Variants in CPLX4 observed in about 807,000 individuals in gnomAD.
CPLX4 encodes the protein complexin 4.
CPLX4 carries 17 observed loss-of-function variants against 16.1 expected under a neutral mutation model. That is an observed-to-expected ratio of 1.06 (90% CI 0.72 to 1.59). The LOEUF is 1.59. Among genes scored for constraint, CPLX4 ranks in the 40% most tolerant of loss-of-function variants. The probability of loss-of-function intolerance (pLI) is 0.00; values close to 1 mark genes in which losing one functional copy is unlikely to be tolerated. For missense variants in CPLX4, 193 were observed against 192.9 expected, an observed-to-expected ratio of 1.00 and a Z score of 0.00; for synonymous variants, 55 against 57.8, an observed-to-expected ratio of 0.95 and a Z score of 0.22.
chr18:59,297,788 T>G (rs1347894618), intron 2 of CPLX4, among the ~76,000 whole-genome samples: 1 of 152,200 alleles, frequency 6.6e-6, no homozygotes, highest in Non-Finnish European at 1.5e-5. Flanking sequence ...AATTCACTCA[T>G]CACACCTTAG....
rs79157922 is a variant in CPLX4, at chr18:59,305,411, G to A, written c.255+7274C>T. 7.6e-3 allele frequency among the ~76,000 whole-genome samples: 1,153 copies of A among 152,224 alleles called. 13 individuals are homozygous for A. Among genetic ancestry groups the A allele is most frequent in the African/African-American group, 0.026 (1,073 of 41,512 alleles). Reference sequence around the variant, plus strand: ...ACAGGAAAGAAACAGGATCAGATTTGCATTTTAGAAACCTCAGTATGGAGG... The same window carrying A: ...ACAGGAAAGAAACAGGATCAGATTTACATTTTAGAAACCTCAGTATGGAGG... On this transcript the variant is annotated intron_variant, in intron 2 of 2. Transcript: ENST00000299721.
intron 2 of CPLX4, among the ~76,000 whole-genome samples, chr18:59,303,997 C>G (rs2070558862): frequency 1.3e-5 from 2 of 152,234 alleles, no homozygotes; most frequent in Admixed American, 1.3e-4. Context: ...AGCTCCTAAT[C>G]TGAAGGGGTC....
intron 2 of CPLX4, among the ~76,000 whole-genome samples, chr18:59,299,472 G>A (rs1249917587): frequency 6.6e-6 from 1 of 152,184 alleles, no homozygotes; most frequent in Non-Finnish European, 1.5e-5. Context: ...AGAGGGGCTA[G>A]AGGAAAGCGT....
chr18:59,307,048 G>A (rs576014433), intron 2 of CPLX4, among the ~76,000 whole-genome samples: 4 of 152,274 alleles, frequency 2.6e-5, no homozygotes, highest in Admixed American at 2.0e-4. Context: ...TCTGTCTTGT[G>A]CCGTTTTCTT....
At chr18:59,317,057 A>G (rs761829794) in intron 1 of CPLX4, among the ~76,000 whole-genome samples, 1 of 152,148 alleles carries the variant, frequency 6.6e-6, no homozygotes, top group Non-Finnish European at 1.5e-5. Flanking sequence ...GTTTTTTAAA[A>G]ACCAACTTTA....
At chr18:59,308,025 G>T (rs2070589382) in intron 2 of CPLX4, among the ~76,000 whole-genome samples, 1 of 151,588 alleles carries the variant, frequency 6.6e-6, no homozygotes, top group Non-Finnish European at 1.5e-5. Context: ...TGATCCGCCC[G>T]CCTCGGCCTC....
At chr18:59,317,088 T>C (rs1025425941) in intron 1 of CPLX4, among the ~76,000 whole-genome samples, 3 of 152,154 alleles carry the variant, frequency 2.0e-5, no homozygotes, top group Admixed American at 2.0e-4. Flanking sequence ...GAACCAAGCA[T>C]AATGTATTCT....
chr18:59,312,493 T>C (rs531301744), intron 2 of CPLX4, among the ~76,000 whole-genome samples, 192 bp downstream of exon 2: 1 of 147,798 alleles, frequency 6.8e-6, no homozygotes, highest in Non-Finnish European at 1.5e-5. Flanking sequence ...TGTGTATATA[T>C]ATATCCTGAA....
At chr18:59,302,503 C>T (rs1199678674) in intron 2 of CPLX4, among the ~76,000 whole-genome samples, 1 of 152,148 alleles carries the variant, frequency 6.6e-6, no homozygotes, top group Non-Finnish European at 1.5e-5. Context: ...TTTCAGAGAT[C>T]GTCTCATTTC....
At chr18:59,309,822 CAAAAAAAAAAAAAA>C (rs369580193) in intron 2 of CPLX4, among the ~76,000 whole-genome samples, 1 of 87,028 alleles carries the variant, frequency 1.1e-5, no homozygotes, top group Non-Finnish European at 2.3e-5. Flanking sequence ...GACTCTGTGT[CAAAAAAAAAAAAAA>C]AAAAAAGAAA....
rs2070494263 is a variant in CPLX4, at chr18:59,295,640, T to C, written c.*1058A>G. The C allele has an allele frequency of 6.6e-6, 1 of 151,558 alleles. No individual in the cohort carries two copies. 9.4% of individuals were successfully genotyped at this position (151,558 alleles called of 1,614,324 possible). A position where few individuals can be genotyped will look rare whatever the true frequency, so the allele number is the denominator to read the frequency against. On this transcript the variant is annotated 3_prime_UTR_variant, in exon 3 of 3. Transcript: ENST00000299721. ...AGCTAAATAGCTCGAAGTGTTTCAG[T>C]GGTAATTGTCCTAAGTCTTTTGAAT...
At chr18:59,312,438 GTATA>G (rs140555708) in intron 2 of CPLX4, among the ~76,000 whole-genome samples, 5 of 143,548 alleles carry the variant, frequency 3.5e-5, no homozygotes, top group African/African-American at 7.7e-5. Context: ...ATGTGTGTGT[GTATA>G]TATATATATA....
intron 1 of CPLX4, among the ~76,000 whole-genome samples, chr18:59,315,728 G>C (rs1027519955): frequency 6.6e-6 from 1 of 152,058 alleles, no homozygotes; most frequent in African/African-American, 2.4e-5. Flanking sequence ...TGTTAAGTAG[G>C]GGTCAAAGTT....
chr18:59,304,640 C>T (rs376809467), intron 2 of CPLX4, among the ~76,000 whole-genome samples: 2 of 152,126 alleles, frequency 1.3e-5, no homozygotes, highest in African/African-American at 4.8e-5. Context: ...GGCACAATCT[C>T]GGCTCACTGC....
At chr18:59,312,906 T>C in intron 1 of CPLX4, 134 bp from the exon 2 acceptor site, 1 of 508,080 alleles carries the variant, frequency 2.0e-6, no homozygotes, top group Non-Finnish European at 3.5e-6. Flanking sequence ...ACTATGGGAT[T>C]TTTTTCCTAG....
At chr18:59,298,138 G>C (rs1480882564) in intron 2 of CPLX4, among the ~76,000 whole-genome samples, 1 of 151,534 alleles carries the variant, frequency 6.6e-6, no homozygotes, top group African/African-American at 2.4e-5. Flanking sequence ...CACCGAGGCT[G>C]GAGTGCAGTG....
intron 1 of CPLX4, among the ~76,000 whole-genome samples, chr18:59,316,592 G>T (rs1256787923): frequency 6.6e-6 from 1 of 152,056 alleles, no homozygotes; most frequent in East Asian, 1.9e-4. Flanking sequence ...ATGCTCCATT[G>T]TCCTGACACT....
intron 2 of CPLX4, among the ~76,000 whole-genome samples, chr18:59,311,083 C>T (rs1056041657): frequency 2.6e-5 from 4 of 151,596 alleles, no homozygotes; most frequent in African/African-American, 2.4e-5. Flanking sequence ...AGCATGAATC[C>T]GACTCAATCT....
At chr18:59,297,358 C>A (rs1265264112) in intron 2 of CPLX4, among the ~76,000 whole-genome samples, 3 of 151,696 alleles carry the variant, frequency 2.0e-5, no homozygotes, top group Admixed American at 6.6e-5. Context: ...CTCACTGCAA[C>A]CTCTGCCTCC....
Sources: allele counts gnomAD v4.1 joint callset (sites outside exome capture counted in the v4.1 genomes callset), GRCh38; gene constraint gnomAD v4.1.1; transcripts MANE v1.5; gene names NCBI Gene and HGNC (gene_info 2026-07-23, HGNC 2026-07-21).